The following EPS8 variants were observed in gnomAD, a reference collection of about 807,000 sequenced individuals.
The protein encoded by EPS8 is EGFR pathway substrate 8, signaling adaptor.
In EPS8, 42 loss-of-function variants were observed where a neutral mutation model predicts 103.8. That is an observed-to-expected ratio of 0.40 (90% CI 0.32 to 0.52). The LOEUF is 0.52. EPS8 is among the 20% of genes least tolerant of loss of function. The probability of loss-of-function intolerance (pLI) is 0.40; values close to 1 mark genes in which losing one functional copy is unlikely to be tolerated. For missense variants in EPS8, 969 were observed against 1,005.1 expected (o/e 0.96, Z 0.49); for synonymous variants, 344 against 344.6 (o/e 1.00, Z 0.02).
intron 15 of EPS8, 93 bp downstream of exon 15, chr12:15,647,034 A>C: frequency 1.7e-6 from 2 of 1,183,698 alleles, no homozygotes; most frequent in South Asian, 4.0e-5. Context: ...AAGTTTAAAG[A>C]AGCAGTAGAC....
chr12:15,722,130 T>A (rs181511780), intron 1 of EPS8, among the ~76,000 whole-genome samples: 2 of 150,722 alleles, frequency 1.3e-5, no homozygotes. Flanking sequence ...TTCCCTGGGC[T>A]ACAATGGAAG....
chr12:15,680,698 A>T (rs1472109610), intron 3 of EPS8, among the ~76,000 whole-genome samples: 1 of 152,190 alleles, frequency 6.6e-6, no homozygotes, highest in Non-Finnish European at 1.5e-5. Flanking sequence ...GTTACTTATG[A>T]CTTCTATTTT....
intron 6 of EPS8, among the ~76,000 whole-genome samples, chr12:15,668,820 A>C (rs1335242447): frequency 6.6e-6 from 1 of 152,208 alleles, no homozygotes; most frequent in Non-Finnish European, 1.5e-5. Flanking sequence ...CTGAACAATC[A>C]ATTTTTAATT....
At chr12:15,630,545 G>A (rs1376712771) in intron 18 of EPS8, among the ~76,000 whole-genome samples, 1 of 152,134 alleles carries the variant, frequency 6.6e-6, no homozygotes, top group Non-Finnish European at 1.5e-5. Flanking sequence ...CCATTTATAT[G>A]AAACATCAAA....
At chr12:15,662,404 C>A (rs1400021839) in intron 8 of EPS8, 1 of 1,074,170 alleles carries the variant, frequency 9.3e-7, no homozygotes, top group African/African-American at 1.7e-5. Context: ...TAACTTAGCA[C>A]CCTTTAATTC....
intron 17 of EPS8, among the ~76,000 whole-genome samples, chr12:15,635,637 T>A (rs73311009): frequency 0.064 from 9,792 of 152,212 alleles, 638 homozygotes; most frequent in African/African-American, 0.17. Flanking sequence ...TCCACTTTTA[T>A]TTTAGGGTGA....
rs1289449003 is a variant in EPS8 at position 15,748,802 on chromosome 12, C to T, written c.-22+40359G>A. On this transcript the variant is annotated intron_variant, in intron 1 of 20. Transcript: ENST00000281172. This position sits in a 1 kb window ranked among gnomAD's most constrained non-coding sequence, Gnocchi z 4.8. ...TTATTCACATATCCTCCTGAAAGGG[C>T]GAAAACATCCATTGCCTAGCCCCGC... Among the ~76,000 whole-genome samples, 1 of 152,056 alleles carries T rather than the reference C, an allele frequency of 6.6e-6. No individual in the cohort carries two copies.
intron 1 of EPS8, among the ~76,000 whole-genome samples, chr12:15,770,294 A>AC (rs1947140419): frequency 6.6e-6 from 1 of 151,390 alleles, no homozygotes; most frequent in South Asian, 2.1e-4. Context: ...GTCTCAAAAA[A>AC]AAAAAAAAAA....
chr12:15,724,618 A>G lies in EPS8; in HGVS notation c.-21-41646T>C, dbSNP rs1001800763. ...AATCTCATCTTGAATTATAGCTCCC[A>G]TAATTCCCATATGTCATGGGAGGGA... On this transcript the variant is annotated intron_variant, in intron 1 of 20. Coordinates refer to ENST00000281172, the MANE Select transcript of EPS8 (RefSeq NM_004447.6). Among the ~76,000 whole-genome samples the G allele has an allele frequency of 2.6e-5, 4 of 152,186 alleles. No homozygotes were observed. The South Asian group carries it at 8.3e-4, about 32-fold the overall frequency.
chr12:15,663,944 A>ATAATAATAATAAT (rs1264237107), intron 8 of EPS8, among the ~76,000 whole-genome samples: 147 of 85,914 alleles, frequency 1.7e-3, no homozygotes, highest in East Asian at 2.5e-3. Flanking sequence ...AAAAAAAAAA[A>ATAATAATAATAAT]AATAATATAT....
intron 1 of EPS8, among the ~76,000 whole-genome samples, chr12:15,773,874 T>C (rs923423511): frequency 3.3e-5 from 5 of 152,186 alleles, no homozygotes; most frequent in Admixed American, 3.3e-4. Flanking sequence ...TTCTCTCTCA[T>C]TTTTGCAGTA....
In EPS8 at chr12:15,706,111, G is replaced by T. The variant is rs891252604; in HGVS notation, c.-21-23139C>A. 4.0e-5 allele frequency among the ~76,000 whole-genome samples: 6 copies of T among 151,866 alleles called. No homozygotes were observed. Among genetic ancestry groups the T allele is most frequent in the Admixed American group, 2.6e-4 (4 of 15,234 alleles). On this transcript the variant is annotated intron_variant, in intron 1 of 20. Transcript: ENST00000281172. The surrounding 1 kb of genome is among the most constrained non-coding windows in gnomAD (Gnocchi z 5.2). ...AATCCCAGTCTTCTCCTCACCTAAGGTTACTCTCTCTAATTCTGCAAACCA... is the reference window on the plus strand; with the variant it reads ...AATCCCAGTCTTCTCCTCACCTAAGTTTACTCTCTCTAATTCTGCAAACCA...
chr12:15,633,871 A>G (rs529215189), intron 17 of EPS8, among the ~76,000 whole-genome samples: 1 of 152,280 alleles, frequency 6.6e-6, no homozygotes, highest in African/African-American at 2.4e-5. Flanking sequence ...CATGTGGAAG[A>G]AAAAGAATCA....
intron 1 of EPS8, among the ~76,000 whole-genome samples, chr12:15,755,038 C>A (rs1946971479): frequency 6.6e-6 from 1 of 152,140 alleles, no homozygotes; most frequent in South Asian, 2.1e-4. Context: ...AGAATGCTGT[C>A]CAGTGGTCAG....
intron 14 of EPS8, among the ~76,000 whole-genome samples, chr12:15,648,091 G>T (rs1355306181): frequency 1.3e-5 from 2 of 152,184 alleles, no homozygotes; most frequent in African/African-American, 4.8e-5. Context: ...AGGCAGTAAT[G>T]CTCGCAGGCC....
intron 1 of EPS8, among the ~76,000 whole-genome samples, chr12:15,715,383 TCTTTA>T (rs1946519655): frequency 2.5e-5 from 2 of 78,906 alleles, no homozygotes; most frequent in South Asian, 8.4e-4. Flanking sequence ...TTTTTTTTTT[TCTTTA>T]CTTTTCTTTT....
At chr12:15,711,476 A>T (rs984051163) in intron 1 of EPS8, among the ~76,000 whole-genome samples, 12 of 152,160 alleles carry the variant, frequency 7.9e-5, no homozygotes, top group African/African-American at 2.4e-4. Flanking sequence ...CTCTTTTATA[A>T]CTCAAGCTAC....
chr12:15,680,502 C>T (rs1399437815), intron 3 of EPS8, among the ~76,000 whole-genome samples: 1 of 151,978 alleles, frequency 6.6e-6, no homozygotes, highest in Non-Finnish European at 1.5e-5. Context: ...ATTAATTTGC[C>T]CAAGATCACT....
rs1008066919 is a variant in EPS8, at chr12:15,745,769, T to C, written c.-22+43392A>G. ...ATAATAGCTCAAGTTCTCTGCCTTT[T>C]AGTAGAAACATCAAGAGCTATTATA... On this transcript the variant is annotated intron_variant, in intron 1 of 20. Coordinates refer to ENST00000281172, the MANE Select transcript of EPS8 (RefSeq NM_004447.6). This position sits in a 1 kb window ranked among gnomAD's most constrained non-coding sequence, Gnocchi z 4.6. Among the ~76,000 whole-genome samples, 3 of 152,226 alleles carry C rather than the reference T, an allele frequency of 2.0e-5. No individual in the cohort carries two copies. The highest frequency in any genetic ancestry group is 1.5e-5 in the Non-Finnish European group (1 of 68,044).
Sources: allele counts gnomAD v4.1 joint callset (sites outside exome capture counted in the v4.1 genomes callset), GRCh38; gene constraint gnomAD v4.1.1; non-coding constraint Gnocchi (gnomAD v3.1); transcripts MANE v1.5; gene names NCBI Gene and HGNC (gene_info 2026-07-23, HGNC 2026-07-21).